CPLX2: variants seen among roughly 807,000 people sequenced by gnomAD.
The protein encoded by CPLX2 is complexin-2.
A neutral mutation model predicts 16.3 loss-of-function variants in CPLX2; 5 were observed. The observed-to-expected ratio is 0.31, with a 90% CI of 0.16 to 0.64. CPLX2 has a LOEUF of 0.64. Ranked by LOEUF, CPLX2 falls within the 30% of genes least tolerant of loss-of-function variation. The pLI, the probability that CPLX2 is intolerant of heterozygous loss-of-function variation, is 0.79. For missense variants in CPLX2, 144 were observed against 181.4 expected, an observed-to-expected ratio of 0.79 and a Z score of 1.18; for synonymous variants, 89 against 73.2, an observed-to-expected ratio of 1.22 and a Z score of -1.10.
In CPLX2 at chr5:175,882,576, TCTG is replaced by T. The variant is rs1422063886; in HGVS notation, c.*2532_*2534del. 6.5e-6 allele frequency: 1 copy of T among 152,698 alleles called. No homozygotes were observed. Among genetic ancestry groups the T allele is most frequent in the East Asian group, 1.9e-4 (1 of 5,180 alleles). The allele number at this position is 152,698 out of a possible 1,614,324, so 9.5% of individuals were successfully genotyped here. A position where few individuals can be genotyped will look rare whatever the true frequency, so the allele number is the denominator to read the frequency against. ...CTGGTGTTCTCCACAGTGCAGTCCC[TCTG>T]TATTCCCAGAGTGGGATCGGGGCTT... On this transcript the variant is annotated 3_prime_UTR_variant, in exon 4 of 4. Transcript: ENST00000393745.
At chr5:175,831,312 G>T (rs544587608) in intron 2 of CPLX2, among the ~76,000 whole-genome samples, 27 of 152,292 alleles carry the variant, frequency 1.8e-4, no homozygotes, top group South Asian at 1.7e-3. Context: ...AGGGGAAATC[G>T]TAGCTCAGAG....
rs536677950 is a variant in CPLX2 at position 175,882,743 on chromosome 5, A to T, written c.*2698A>T. ...ATATAGGAGAAAATTTCTGCCTGGC[A>T]CACACCTGGCTCCAACCACTGCCAA... is the stretch of plus-strand genomic sequence containing the variant. On this transcript the variant is annotated 3_prime_UTR_variant, in exon 4 of 4. Transcript: ENST00000393745. The T allele has an allele frequency of 6.5e-6, 1 of 153,008 alleles. No homozygotes were observed. The highest frequency in any genetic ancestry group is 1.5e-5 in the Non-Finnish European group (1 of 68,352). 9.5% of individuals were successfully genotyped at this position (153,008 alleles called of 1,614,324 possible). A position where few individuals can be genotyped will look rare whatever the true frequency, so the allele number is the denominator to read the frequency against.
chr5:175,797,325 T>C (rs1441948164), intron 1 of CPLX2, among the ~76,000 whole-genome samples: 1 of 152,050 alleles, frequency 6.6e-6, no homozygotes, highest in African/African-American at 2.4e-5. Flanking sequence ...GCCGCGCGTC[T>C]CCGGCTTGGG....
chr5:175,871,317 A>C (rs1581101612), upstream of CPLX2, among the ~76,000 whole-genome samples: 1 of 109,516 alleles, frequency 9.1e-6, no homozygotes, highest in African/African-American at 3.5e-5. Context: ...GCGAGAAAAG[A>C]GGGGGAGGAA....
intron 2 of CPLX2, among the ~76,000 whole-genome samples, chr5:175,834,492 G>A (rs561645526): frequency 2.0e-5 from 3 of 152,268 alleles, no homozygotes; most frequent in South Asian, 2.1e-4. Context: ...TCAACGTAAC[G>A]CAATTCATGC....
chr5:175,847,898 C>T (rs1023315772), intron 2 of CPLX2, among the ~76,000 whole-genome samples: 4 of 152,322 alleles, frequency 2.6e-5, no homozygotes, highest in African/African-American at 2.4e-5. Flanking sequence ...TCTCAGCTGC[C>T]GGCGAGTTTT....
upstream of CPLX2, among the ~76,000 whole-genome samples, chr5:175,870,535 A>AT (rs1282405757): frequency 6.6e-6 from 1 of 152,080 alleles, no homozygotes; most frequent in Non-Finnish European, 1.5e-5. Flanking sequence ...CTCCGAAGCC[A>AT]TTTTCCTACA....
At chr5:175,846,328 C>T (rs1380849955) in intron 2 of CPLX2, among the ~76,000 whole-genome samples, 4 of 152,008 alleles carry the variant, frequency 2.6e-5, no homozygotes, top group Admixed American at 6.5e-5. Context: ...AAGAGGGCTG[C>T]GTGGAGAGTC....
intron 2 of CPLX2, among the ~76,000 whole-genome samples, chr5:175,812,015 G>A (rs1758320586): frequency 6.6e-6 from 1 of 152,236 alleles, no homozygotes; most frequent in Admixed American, 6.5e-5. Context: ...GACAGGGTGA[G>A]GCTGGGAACC....
chr5:175,861,574 G>GA (rs1759372383), intron 2 of CPLX2: 1 of 152,320 alleles, frequency 6.6e-6, no homozygotes, highest in African/African-American at 2.4e-5. Flanking sequence ...TCACAGAGAG[G>GA]ATCAAAGGGC....
intron 2 of CPLX2, among the ~76,000 whole-genome samples, chr5:175,856,731 G>T (rs1157466852): frequency 6.6e-6 from 1 of 152,140 alleles, no homozygotes; most frequent in East Asian, 1.9e-4. Context: ...CCAAGAGTGG[G>T]CTGATGAAAG....
intron 2 of CPLX2, among the ~76,000 whole-genome samples, chr5:175,833,564 TG>T (rs200579581): frequency 8.2e-4 from 125 of 152,040 alleles, no homozygotes; most frequent in African/African-American, 2.8e-3. Context: ...CAAATGGAAA[TG>T]GGGGGGCCTG....
At chr5:175,855,993 T>G (rs988505781) in intron 2 of CPLX2, among the ~76,000 whole-genome samples, 9 of 152,118 alleles carry the variant, frequency 5.9e-5, no homozygotes, top group African/African-American at 2.2e-4. Context: ...AATCCCTCAG[T>G]GCCACCTCAT....
At chr5:175,813,343 G>A (rs978884760) in intron 2 of CPLX2, among the ~76,000 whole-genome samples, 1 of 152,202 alleles carries the variant, frequency 6.6e-6, no homozygotes, top group East Asian at 1.9e-4. Context: ...AGGTGGCACA[G>A]GAATGACTGA....
chr5:175,799,552 A>ATATATATATATATATATT (rs1758052181), intron 1 of CPLX2, among the ~76,000 whole-genome samples: 1 of 133,362 alleles, frequency 7.5e-6, no homozygotes, highest in South Asian at 2.3e-4. Flanking sequence ...ATATATATAT[A>ATATATATATATATATATT]TATATATATA....
intron 2 of CPLX2, among the ~76,000 whole-genome samples, chr5:175,840,965 A>G (rs6886653): frequency 0.052 from 7,914 of 152,264 alleles, 663 homozygotes; most frequent in African/African-American, 0.18. Context: ...AGAGGAAACC[A>G]GGGCCCAGGA....
chr5:175,831,688 G>A (rs1438830979), intron 2 of CPLX2, among the ~76,000 whole-genome samples: 1 of 152,194 alleles, frequency 6.6e-6, no homozygotes, highest in Non-Finnish European at 1.5e-5. Flanking sequence ...CATGGCCCCT[G>A]CCCTCAAGAT....
Position 175,880,058 on chromosome 5 carries a change from C to A in CPLX2, c.*13C>A, listed in dbSNP as rs1007680810. 6.2e-7 allele frequency: 1 copy of A among 1,606,698 alleles called. No homozygotes were observed. The highest frequency in any genetic ancestry group is 2.2e-5 in the East Asian group (1 of 44,628). ...GTTCAAGAAGTAACCAGGCCTCCTG[C>A]CCCAGCCTACTCCACCTGTTACTAC... On this transcript the variant is annotated 3_prime_UTR_variant, in exon 4 of 4. Coordinates refer to ENST00000393745, the MANE Select transcript of CPLX2 (RefSeq NM_001008220.2).
At chr5:175,835,167 A>G (rs1256292704) in intron 2 of CPLX2, among the ~76,000 whole-genome samples, 3 of 152,232 alleles carry the variant, frequency 2.0e-5, no homozygotes, top group Non-Finnish European at 4.4e-5. Context: ...GAAAAAGTAA[A>G]AACTGCCACA....
Sources: gnomAD v4.1 joint callset for allele counts (sites outside exome capture counted in the v4.1 genomes callset) on GRCh38, gnomAD v4.1.1 for gene constraint, MANE v1.5 for transcripts, NCBI Gene and HGNC (gene_info 2026-07-23, HGNC 2026-07-21) for gene names.